The following IKZF3 variants were observed in gnomAD, a reference collection of about 807,000 sequenced individuals.
IKZF3 encodes IKAROS family zinc finger 3, also known as zinc finger protein Aiolos.
Under a neutral mutation model 49.0 loss-of-function variants are expected in IKZF3, and 10 were observed. The ratio of observed to expected loss-of-function variants is 0.20; its 90% CI spans 0.13 to 0.35. IKZF3 has a LOEUF of 0.35. Among genes scored for constraint, IKZF3 ranks in the 10% least tolerant of loss-of-function variants. The pLI, the probability that IKZF3 is intolerant of heterozygous loss-of-function variation, is 1.00. For missense variants in IKZF3, 498 were observed against 664.8 expected (o/e 0.75, Z 2.76); for synonymous variants, 209 against 228.2 (o/e 0.92, Z 0.76).
At chr17:39,773,268 T>A (rs1256696996) in intron 7 of IKZF3, among the ~76,000 whole-genome samples, 3 of 152,214 alleles carry the variant, frequency 2.0e-5, no homozygotes, top group Non-Finnish European at 2.9e-5. Context: ...GCCAGCTGTG[T>A]CACTCCACCT....
intron 3 of IKZF3, among the ~76,000 whole-genome samples, chr17:39,805,844 A>G (rs2061421134): frequency 6.6e-6 from 1 of 152,252 alleles, no homozygotes; most frequent in South Asian, 2.1e-4. Flanking sequence ...GAATAAAACT[A>G]GAATAGAATC....
At chr17:39,817,879 C>A (rs2061712869) in intron 3 of IKZF3, among the ~76,000 whole-genome samples, 1 of 152,268 alleles carries the variant, frequency 6.6e-6, no homozygotes, top group Middle Eastern at 3.4e-3. Flanking sequence ...TCCAAGACCT[C>A]CAGCGGATGT....
At chr17:39,800,980 C>G (rs1268692766) in intron 3 of IKZF3, among the ~76,000 whole-genome samples, 1 of 152,094 alleles carries the variant, frequency 6.6e-6, no homozygotes, top group Non-Finnish European at 1.5e-5. Context: ...TCTTGGAGAG[C>G]ATGTTGATAC....
At chr17:39,796,393 C>G (rs1248286746) in intron 3 of IKZF3, among the ~76,000 whole-genome samples, 1 of 152,160 alleles carries the variant, frequency 6.6e-6, no homozygotes, top group Non-Finnish European at 1.5e-5. Context: ...TTTTCTCTTT[C>G]AATTTCTACA....
intron 7 of IKZF3, among the ~76,000 whole-genome samples, chr17:39,776,862 G>A (rs1221980579): frequency 6.6e-6 from 1 of 152,122 alleles, no homozygotes; most frequent in African/African-American, 2.4e-5. Flanking sequence ...TGTTGAGGGA[G>A]GTCTATTTTC....
intron 1 of IKZF3, among the ~76,000 whole-genome samples, chr17:39,860,778 CATTATTTG>C (rs2063194441): frequency 6.6e-6 from 1 of 152,132 alleles, no homozygotes; most frequent in African/African-American, 2.4e-5. Flanking sequence ...ACACTATGCT[CATTATTTG>C]GGTGACAGGA....
intron 1 of IKZF3, among the ~76,000 whole-genome samples, chr17:39,847,131 G>T (rs1199429375): frequency 1.3e-5 from 2 of 152,066 alleles, no homozygotes; most frequent in Non-Finnish European, 2.9e-5. Context: ...TTTCAGAATT[G>T]CAACATTAAC....
intron 7 of IKZF3, among the ~76,000 whole-genome samples, chr17:39,777,393 A>G (rs1237891625): frequency 6.6e-6 from 1 of 152,258 alleles, no homozygotes; most frequent in Non-Finnish European, 1.5e-5. Context: ...AGGAAGGAAC[A>G]GGATTTTAAA....
intron 1 of IKZF3, among the ~76,000 whole-genome samples, chr17:39,851,020 G>A (rs540868031): frequency 2.0e-4 from 28 of 142,372 alleles, no homozygotes; most frequent in Non-Finnish European, 2.6e-4. Context: ...TTATATACAC[G>A]TATGTTATAT....
rs898631258 is a variant in IKZF3 at position 39,769,740 on chromosome 17, C to T, written c.827-3247G>A. On this transcript the variant is annotated intron_variant, in intron 7 of 7. Coordinates refer to ENST00000346872, the MANE Select transcript of IKZF3 (RefSeq NM_012481.5). ...GTCCTTGAGAAACTTTTTCTCTTTTCACCCAACAGAGAGGCTCCAGAAGGT... is the reference window on the plus strand; with the variant it reads ...GTCCTTGAGAAACTTTTTCTCTTTTTACCCAACAGAGAGGCTCCAGAAGGT... 1.2e-4 allele frequency among the ~76,000 whole-genome samples: 19 copies of T among 152,288 alleles called. No homozygotes were observed. In the South Asian group the frequency reaches 1.4e-3, roughly 12 times the overall value.
At chr17:39,812,099 A>G (rs1207555892) in intron 3 of IKZF3, among the ~76,000 whole-genome samples, 1 of 152,236 alleles carries the variant, frequency 6.6e-6, no homozygotes, top group South Asian at 2.1e-4. Flanking sequence ...TTTTTGTAAC[A>G]GTATATTAAA....
chr17:39,843,031 C>G (rs1285417974), intron 1 of IKZF3, among the ~76,000 whole-genome samples: 3 of 152,148 alleles, frequency 2.0e-5, no homozygotes, highest in Non-Finnish European at 4.4e-5. Flanking sequence ...TACAAAGCAG[C>G]TGGCTTATAA....
Position 39,759,854 on chromosome 17 carries a change from A to G in IKZF3, c.*5936T>C, listed in dbSNP as rs1204928920. The G allele has an allele frequency of 5.3e-5, 8 of 152,248 alleles. 1 individual carries two copies. The highest frequency in any genetic ancestry group is 5.2e-4 in the Admixed American group (8 of 15,290). The allele number at this position is 152,248 out of a possible 1,614,324, so 9.4% of individuals were successfully genotyped here. On this transcript the variant is annotated 3_prime_UTR_variant, in exon 8 of 8. Coordinates refer to ENST00000346872, the MANE Select transcript of IKZF3 (RefSeq NM_012481.5). Reference sequence around the variant, plus strand: ...ACACAAAAATAGCTTCCCATTCTCTAAAAGATGAGGTATCACTATATATCG... The same window carrying G: ...ACACAAAAATAGCTTCCCATTCTCTGAAAGATGAGGTATCACTATATATCG...
At chr17:39,783,335 T>A (rs2143791103) in intron 6 of IKZF3, among the ~76,000 whole-genome samples, 1 of 152,308 alleles carries the variant, frequency 6.6e-6, no homozygotes, top group African/African-American at 2.4e-5. Context: ...CATTTTTTAT[T>A]TTTTGAGATG....
chr17:39,832,207 G>C, intron 1 of IKZF3, 56 bp from the exon 2 acceptor site: 1 of 1,325,376 alleles, frequency 7.5e-7, no homozygotes, highest in South Asian at 1.2e-5. Flanking sequence ...CTACAGGTTT[G>C]AGCATTCCAA....
chr17:39,777,955 C>G (rs1170798567), intron 6 of IKZF3, 188 bp from the exon 7 acceptor site: 1 of 1,288,948 alleles, frequency 7.8e-7, no homozygotes, highest in East Asian at 3.2e-5. Context: ...AGGGCACATT[C>G]AAATCTTGCA....
At chr17:39,852,733 A>G (rs1289858294) in intron 1 of IKZF3, among the ~76,000 whole-genome samples, 1 of 152,090 alleles carries the variant, frequency 6.6e-6, no homozygotes, top group Non-Finnish European at 1.5e-5. Flanking sequence ...GCACTTTGGG[A>G]GGCCGGGGCG....
chr17:39,847,326 C>A (rs914772810), intron 1 of IKZF3, among the ~76,000 whole-genome samples: 13 of 152,104 alleles, frequency 8.5e-5, no homozygotes, highest in African/African-American at 3.1e-4. Flanking sequence ...AAATTATTAT[C>A]ATAACTAGCT....
chr17:39,825,856 T>C (rs1364718995), intron 3 of IKZF3, among the ~76,000 whole-genome samples: 1 of 152,122 alleles, frequency 6.6e-6, no homozygotes, highest in Non-Finnish European at 1.5e-5. Context: ...TATAATAACA[T>C]AGAAATAGTT....
Sources: allele counts gnomAD v4.1 joint callset (sites outside exome capture counted in the v4.1 genomes callset), GRCh38; gene constraint gnomAD v4.1.1; transcripts MANE v1.5; gene names NCBI Gene and HGNC (gene_info 2026-07-23, HGNC 2026-07-21).